Variants in ROBO2 observed in about 807,000 individuals in gnomAD.
ROBO2 encodes roundabout homolog 2.
A neutral mutation model predicts 160.8 loss-of-function variants in ROBO2; 53 were observed. The ratio of observed to expected loss-of-function variants is 0.33; its 90% CI spans 0.26 to 0.41. The LOEUF is 0.41. ROBO2 is among the 10% of genes least tolerant of loss of function. The pLI is 1.00. For synonymous variants in ROBO2, 664 were observed against 611.7 expected (o/e 1.09, Z -1.26); for missense variants, 1,577 against 1,722.4 (o/e 0.92, Z 1.49).
intron 2 of ROBO2, among the ~76,000 whole-genome samples, chr3:76,295,449 A>C (rs552060655): frequency 7.8e-4 from 119 of 152,158 alleles, no homozygotes; most frequent in Non-Finnish European, 1.4e-3. Context: ...AGGTATGCAA[A>C]CAAAGAATTG....
At chr3:77,048,860 G>C (rs2064946179) in intron 1 of ROBO2, among the ~76,000 whole-genome samples, 2 of 152,184 alleles carry the variant, frequency 1.3e-5, no homozygotes, top group South Asian at 4.1e-4. Context: ...GGACTGCACT[G>C]TTAGCTTCCC....
At chr3:76,738,203 G>A (rs752564588) in intron 2 of ROBO2, among the ~76,000 whole-genome samples, 2 of 152,034 alleles carry the variant, frequency 1.3e-5, no homozygotes, top group Non-Finnish European at 2.9e-5. Context: ...CCTACTCTGC[G>A]AAAAGCCACT....
At chr3:76,673,715 CG>C (rs1193709077) in intron 2 of ROBO2, among the ~76,000 whole-genome samples, 4 of 151,898 alleles carry the variant, frequency 2.6e-5, no homozygotes, top group South Asian at 4.2e-4. Flanking sequence ...CCAATAGGAT[CG>C]TTTTTTTTTA....
intron 2 of ROBO2, among the ~76,000 whole-genome samples, chr3:76,835,107 G>A (rs2067565691): frequency 6.6e-6 from 1 of 152,012 alleles, no homozygotes; most frequent in Non-Finnish European, 1.5e-5. Flanking sequence ...ATATTACTAA[G>A]TTGATTACCA....
chr3:76,959,278 C>A (rs767257520), intron 2 of ROBO2, among the ~76,000 whole-genome samples: 2 of 152,146 alleles, frequency 1.3e-5, no homozygotes, highest in Non-Finnish European at 2.9e-5. Flanking sequence ...GTTCAAATCG[C>A]CCTTTGTGGA....
chr3:76,382,264 G>A (rs565665604), intron 2 of ROBO2, among the ~76,000 whole-genome samples: 23 of 152,216 alleles, frequency 1.5e-4, no homozygotes, highest in Middle Eastern at 3.4e-3. Context: ...CACAGCGCTC[G>A]GCCTCGAGAC....
intron 2 of ROBO2, among the ~76,000 whole-genome samples, chr3:77,122,472 C>T (rs1283998967): frequency 6.6e-6 from 1 of 152,190 alleles, no homozygotes; most frequent in Admixed American, 6.5e-5. Context: ...TTAGCCGTCG[C>T]TGCCCCTTTG....
intron 2 of ROBO2, among the ~76,000 whole-genome samples, chr3:76,075,676 G>A (rs1386807906): frequency 6.6e-6 from 1 of 152,114 alleles, no homozygotes; most frequent in Non-Finnish European, 1.5e-5. Context: ...AAACAAATGA[G>A]CATCTAAAAT....
intron 2 of ROBO2, among the ~76,000 whole-genome samples, chr3:75,963,514 A>G (rs1175139034): frequency 6.6e-6 from 1 of 151,814 alleles, no homozygotes; most frequent in East Asian, 2.0e-4. Context: ...TAAAATTGTC[A>G]TTATAATACT....
At chr3:76,016,240 A>G (rs1038380431) in intron 2 of ROBO2, among the ~76,000 whole-genome samples, 2 of 151,974 alleles carry the variant, frequency 1.3e-5, no homozygotes, top group African/African-American at 4.8e-5. Context: ...AATGGCACGC[A>G]TCTGCTCGGG....
chr3:76,841,434 GA>G (rs2068251000), intron 2 of ROBO2, among the ~76,000 whole-genome samples: 1 of 152,176 alleles, frequency 6.6e-6, no homozygotes, highest in Non-Finnish European at 1.5e-5. Context: ...CTCAGTTGTA[GA>G]AGAAACGTGT....
intron 2 of ROBO2, among the ~76,000 whole-genome samples, chr3:77,231,319 C>T (rs1409436356): frequency 1.4e-5 from 2 of 143,946 alleles, no homozygotes; most frequent in African/African-American, 2.6e-5. Context: ...GCCAAGATCA[C>T]GCCACTGTAC....
intron 2 of ROBO2, among the ~76,000 whole-genome samples, chr3:77,410,921 A>G (rs914849578): frequency 2.6e-5 from 4 of 151,594 alleles, no homozygotes; most frequent in Non-Finnish European, 5.9e-5. Flanking sequence ...CTCCTGCCTC[A>G]ACCTCCCGAG....
intron 5 of ROBO2, among the ~76,000 whole-genome samples, chr3:77,514,729 G>C (rs1444509935): frequency 2.0e-5 from 3 of 151,782 alleles, no homozygotes; most frequent in Non-Finnish European, 4.4e-5. Context: ...TATTTGCTTT[G>C]AAGGGAGAAA....
intron 2 of ROBO2, among the ~76,000 whole-genome samples, chr3:76,693,448 G>GTA (rs150823337): frequency 0.21 from 31,469 of 148,496 alleles, 5,501 homozygotes; most frequent in African/African-American, 0.48. Context: ...CTATATATGT[G>GTA]TATATATATA....
chr3:77,150,742 A>G (rs1475711661), intron 2 of ROBO2, among the ~76,000 whole-genome samples: 2 of 149,268 alleles, frequency 1.3e-5, no homozygotes, highest in East Asian at 2.0e-4. Context: ...TTTTTTTTTT[A>G]TTATAAGAAC....
chr3:76,361,883 GA>G (rs2075544272), intron 2 of ROBO2, among the ~76,000 whole-genome samples: 1 of 152,094 alleles, frequency 6.6e-6, no homozygotes, highest in South Asian at 2.1e-4. Context: ...TGTACAAAGT[GA>G]AAGCCTGCTA....
chr3:77,173,185 G>T (rs780151341), intron 2 of ROBO2, among the ~76,000 whole-genome samples: 11 of 152,148 alleles, frequency 7.2e-5, no homozygotes, highest in Non-Finnish European at 1.6e-4. Flanking sequence ...AGAAAAAGGT[G>T]TGGGTAGATT....
At chr3:77,246,070 T>C (rs1159191250) in intron 2 of ROBO2, among the ~76,000 whole-genome samples, 1 of 152,202 alleles carries the variant, frequency 6.6e-6, no homozygotes, top group African/African-American at 2.4e-5. Flanking sequence ...CATGTAAACA[T>C]AGTAATTTTT....
Sources: gnomAD v4.1 joint callset for allele counts (sites outside exome capture counted in the v4.1 genomes callset) on GRCh38, gnomAD v4.1.1 for gene constraint, MANE v1.5 for transcripts, NCBI Gene and HGNC (gene_info 2026-07-23, HGNC 2026-07-21) for gene names.